The following METTL6 variants were observed in gnomAD, a reference collection of about 807,000 sequenced individuals.
METTL6 encodes the protein methyltransferase 6, tRNA N3-cytidine.
In METTL6, 22 loss-of-function variants were observed where a neutral mutation model predicts 26.4. That is an observed-to-expected ratio of 0.83 (90% CI 0.59 to 1.19). The LOEUF (loss-of-function observed/expected upper bound fraction) is 1.19. Ranked by LOEUF, METTL6 falls within the 50% of genes most tolerant of loss-of-function variation. METTL6 has a pLI of 0.00. For missense variants in METTL6, 304 were observed against 324.8 expected (o/e 0.94, Z 0.49); for synonymous variants, 109 against 116.2 (o/e 0.94, Z 0.40).
chr3:15,403,166 G>T (rs1699694110), intron 6 of METTL6, among the ~76,000 whole-genome samples: 1 of 152,058 alleles, frequency 6.6e-6, no homozygotes, highest in Non-Finnish European at 1.5e-5. Flanking sequence ...TTTTGTAGGG[G>T]TCTCATTATG....
intron 4 of METTL6, 196 bp downstream of exon 4, chr3:15,415,576 C>A: frequency 6.2e-7 from 1 of 1,604,330 alleles, no homozygotes; most frequent in South Asian, 1.1e-5. Flanking sequence ...TGAAGAGCAG[C>A]CATGGCACTG....
At chr3:15,415,393 G>A in intron 4 of METTL6, 1 of 1,138,238 alleles carries the variant, frequency 8.8e-7, no homozygotes, top group Admixed American at 2.1e-5. Flanking sequence ...CTGACCTCAA[G>A]TGATTCACCT....
intron 6 of METTL6, among the ~76,000 whole-genome samples, chr3:15,396,390 T>C (rs1318952705): frequency 6.6e-6 from 1 of 152,132 alleles, no homozygotes; most frequent in South Asian, 2.1e-4. Context: ...TAGCCATTCG[T>C]CTAATCTTTT....
At chr3:15,411,668 G>A (rs1287850269) in intron 5 of METTL6, among the ~76,000 whole-genome samples, 1 of 151,790 alleles carries the variant, frequency 6.6e-6, no homozygotes, top group African/African-American at 2.4e-5. Flanking sequence ...AGGACAACCT[G>A]GTGTTCGCAT....
At position 15,381,404 on chromosome 3, in the gene METTL6, AGGGAG is replaced by A. The variant is rs569110327; in HGVS notation, c.*2790_*2794del. 3 of 152,356 alleles carry A rather than the reference AGGGAG, an allele frequency of 2.0e-5. No individual in the cohort carries two copies. In the South Asian group the frequency reaches 6.2e-4, roughly 32 times the overall value. 9.4% of individuals were successfully genotyped at this position (152,356 alleles called of 1,614,324 possible). ...CTTTTACGTGAGAGGAAGGGGGAAG[AGGGAG>A]GGAGTTGAGGTCAAGAAGTGGCCAG... On this transcript the variant is annotated 3_prime_UTR_variant, in exon 7 of 7. Coordinates refer to the METTL6 transcript ENST00000443029.
chr3:15,417,636 A>G (rs1295882548), intron 3 of METTL6, among the ~76,000 whole-genome samples: 1 of 152,134 alleles, frequency 6.6e-6, no homozygotes, highest in Non-Finnish European at 1.5e-5. Flanking sequence ...TATATACTGT[A>G]TATATAAACA....
intron 3 of METTL6, among the ~76,000 whole-genome samples, chr3:15,421,100 C>T (rs1162013900): frequency 6.6e-6 from 1 of 152,154 alleles, no homozygotes; most frequent in Non-Finnish European, 1.5e-5. Context: ...GGCTCTTAGT[C>T]AGAATCTCCA....
chr3:15,383,901 T>G (rs1203318875), exon 7 of METTL6: 2 of 203,578 alleles, frequency 9.8e-6, no homozygotes, highest in Non-Finnish European at 2.0e-5. Flanking sequence ...GGGGTGTGTA[T>G]AAGACTGAAT....
chr3:15,401,997 C>T (rs1380396263), intron 6 of METTL6, among the ~76,000 whole-genome samples: 1 of 152,146 alleles, frequency 6.6e-6, no homozygotes, highest in Non-Finnish European at 1.5e-5. Flanking sequence ...TGAACTCGCC[C>T]CGAATTCTTT....
chr3:15,389,710 C>T (rs1053212992), intron 6 of METTL6, among the ~76,000 whole-genome samples: 8 of 152,020 alleles, frequency 5.3e-5, no homozygotes, highest in East Asian at 1.9e-4. Flanking sequence ...CCACCACGCC[C>T]GGCTAATTTT....
rs2125059483 is a variant in METTL6 at position 15,427,466 on chromosome 3, C to G, written c.-189G>C. On this transcript the variant is annotated 5_prime_UTR_variant, in exon 1 of 6. Coordinates refer to ENST00000383790, the MANE Select transcript of METTL6 (RefSeq NM_152396.4). ...GGAAGAACCGCGAAACAACCCTAAACCAATTCTGAGGACCACGAATTCGGA... is the reference window on the plus strand; with the variant it reads ...GGAAGAACCGCGAAACAACCCTAAAGCAATTCTGAGGACCACGAATTCGGA... 1 of 419,340 alleles carries G rather than the reference C, an allele frequency of 2.4e-6. No individual in the cohort carries two copies. The highest frequency in any genetic ancestry group is 4.4e-6 in the Non-Finnish European group (1 of 227,012). 26.0% of individuals were successfully genotyped at this position (419,340 alleles called of 1,614,324 possible). A position where few individuals can be genotyped will look rare whatever the true frequency, so the allele number is the denominator to read the frequency against.
chr3:15,383,507 C>T (rs1699121245), exon 7 of METTL6: 1 of 151,608 alleles, frequency 6.6e-6, no homozygotes, highest in Admixed American at 6.6e-5. Flanking sequence ...CTTGGCCTCT[C>T]AAAGTGTTGG....
At chr3:15,397,147 C>T (rs915084790) in intron 6 of METTL6, among the ~76,000 whole-genome samples, 1 of 152,208 alleles carries the variant, frequency 6.6e-6, no homozygotes, top group African/African-American at 2.4e-5. Context: ...TTGAGCTTCC[C>T]AACCGCTTTG....
At chr3:15,414,233 C>A in intron 4 of METTL6, 71 bp from the exon 5 acceptor site, 1 of 1,539,648 alleles carries the variant, frequency 6.5e-7, no homozygotes, top group South Asian at 1.3e-5. Flanking sequence ...TAAGTTAGGA[C>A]TTAAAATAAA....
intron 6 of METTL6, among the ~76,000 whole-genome samples, chr3:15,401,365 G>A (rs1168779856): frequency 2.6e-5 from 4 of 151,638 alleles, no homozygotes; most frequent in African/African-American, 9.7e-5. Flanking sequence ...GTAGAAATGG[G>A]GTTTCACCAT....
intron 3 of METTL6, among the ~76,000 whole-genome samples, chr3:15,419,995 G>A (rs2061575741): frequency 1.3e-5 from 2 of 151,698 alleles, no homozygotes; most frequent in Non-Finnish European, 1.5e-5. Context: ...CCGAGTAGCT[G>A]GGACTACAGG....
chr3:15,401,828 G>A (rs1313334816), intron 6 of METTL6, among the ~76,000 whole-genome samples: 1 of 152,166 alleles, frequency 6.6e-6, no homozygotes, highest in African/African-American at 2.4e-5. Flanking sequence ...CCCTTTTCCA[G>A]AACGTTCATG....
chr3:15,395,544 G>A (rs1294403996), intron 6 of METTL6, among the ~76,000 whole-genome samples: 2 of 151,962 alleles, frequency 1.3e-5, no homozygotes, highest in Non-Finnish European at 2.9e-5. Flanking sequence ...CTGTCATTAT[G>A]ATGTTAGCTG....
intron 5 of METTL6, chr3:15,413,716 C>T: frequency 7.7e-7 from 1 of 1,301,332 alleles, no homozygotes; most frequent in Non-Finnish European, 9.9e-7. Context: ...AAGTTTCTGA[C>T]TTGCCCTCCC....
Sources: allele counts gnomAD v4.1 joint callset (sites outside exome capture counted in the v4.1 genomes callset), GRCh38; gene constraint gnomAD v4.1.1; transcripts MANE v1.5; gene names NCBI Gene and HGNC (gene_info 2026-07-23, HGNC 2026-07-21).